Variants in TAFA5 observed in about 807,000 individuals in gnomAD.
TAFA5 encodes TAFA chemokine like family member 5.
TAFA5 carries 6 observed loss-of-function variants against 15.3 expected under a neutral mutation model. The observed-to-expected ratio is 0.39, with a 90% CI of 0.21 to 0.77. The LOEUF (loss-of-function observed/expected upper bound fraction) is 0.77, where lower values mean the gene tolerates loss of function less well. TAFA5 is among the 30% of genes least tolerant of loss of function. The probability of loss-of-function intolerance (pLI) is 0.41; values close to 1 mark genes in which losing one functional copy is unlikely to be tolerated. For synonymous variants in TAFA5, 103 were observed against 80.7 expected (o/e 1.28, Z -1.48); for missense variants, 161 against 193.1 (o/e 0.83, Z 0.98).
At chr22:48,681,512 G>A (rs1569076997) in intron 2 of TAFA5, among the ~76,000 whole-genome samples, 4 of 148,306 alleles carry the variant, frequency 2.7e-5, no homozygotes, top group South Asian at 2.1e-4. Context: ...AAAATTAGGC[G>A]TGGGGGTAGG....
In TAFA5 at chr22:48,724,663, G is replaced by A. The variant is rs1396364818; in HGVS notation, c.390+16819G>A. Among the ~76,000 whole-genome samples the A allele has an allele frequency of 2.0e-5, 3 of 152,132 alleles. No homozygotes were observed. In the South Asian group the frequency reaches 6.2e-4, roughly 31 times the overall value. The stretch of plus-strand genomic sequence containing the variant: ...GGAAAGCCCCCTGGGGCTCAAAGGA[G>A]TGGAAGCCCGTGCCTTATCCTCTGA... On this transcript the variant is annotated intron_variant, in intron 3 of 3. Transcript: ENST00000402357.
chr22:48,604,718 C>A (rs1239257353), intron 1 of TAFA5, among the ~76,000 whole-genome samples: 5 of 152,042 alleles, frequency 3.3e-5, no homozygotes, highest in African/African-American at 1.2e-4. Context: ...GATTTTTTTT[C>A]CATCCTTCCA....
At chr22:48,581,643 A>T (rs1323468098) in intron 1 of TAFA5, among the ~76,000 whole-genome samples, 1 of 152,182 alleles carries the variant, frequency 6.6e-6, no homozygotes. Flanking sequence ...GTTCGGGGGC[A>T]ACCTTCTTGG....
In TAFA5 at chr22:48,540,163, C is replaced by T. The variant is rs183384355; in HGVS notation, c.112+50459C>T. Among the ~76,000 whole-genome samples the T allele has an allele frequency of 6.0e-4, 91 of 152,280 alleles. 1 individual carries two copies. The highest frequency in any genetic ancestry group is 5.9e-3 in the Admixed American group (91 of 15,300). The stretch of plus-strand genomic sequence containing the variant: ...GCCTTCTTGGGTCTAGCCTTGTGTA[C>T]GGGAGGGTGAGTTTGCCCAGGTTAG... On this transcript the variant is annotated intron_variant, in intron 1 of 3. Coordinates refer to ENST00000402357, the MANE Select transcript of TAFA5 (RefSeq NM_001082967.3).
chr22:48,662,804 C>G (rs577038136), intron 2 of TAFA5, among the ~76,000 whole-genome samples: 67 of 152,354 alleles, frequency 4.4e-4, no homozygotes, highest in Admixed American at 1.6e-3. Flanking sequence ...TGGGCACCCA[C>G]TAGCCCACAG....
At chr22:48,545,945 G>A (rs1315567631) in intron 1 of TAFA5, among the ~76,000 whole-genome samples, 1 of 152,144 alleles carries the variant, frequency 6.6e-6, no homozygotes, top group Non-Finnish European at 1.5e-5. Flanking sequence ...TGGGGAAGGG[G>A]AGTGCCAGGA....
At chr22:48,656,324 T>G (rs904740504) in intron 2 of TAFA5, among the ~76,000 whole-genome samples, 2 of 151,994 alleles carry the variant, frequency 1.3e-5, no homozygotes, top group African/African-American at 4.8e-5. Context: ...GCCAACATGG[T>G]GAAGCCCCGT....
chr22:48,505,986 A>T (rs1481217465), intron 1 of TAFA5, among the ~76,000 whole-genome samples: 1 of 152,144 alleles, frequency 6.6e-6, no homozygotes, highest in Non-Finnish European at 1.5e-5. Flanking sequence ...AGGGTCTCAG[A>T]ACTCACTCCC....
At chr22:48,650,695 C>A (rs1278441271) in intron 2 of TAFA5, among the ~76,000 whole-genome samples, 2 of 152,176 alleles carry the variant, frequency 1.3e-5, no homozygotes, top group South Asian at 2.1e-4. Flanking sequence ...AGCCTGTGCA[C>A]CTGCATGCGA....
intron 1 of TAFA5, among the ~76,000 whole-genome samples, chr22:48,589,741 G>T (rs575115615): frequency 6.6e-6 from 1 of 152,284 alleles, no homozygotes; most frequent in African/African-American, 2.4e-5. Context: ...CTGGAGTGAT[G>T]TGGCCACACG....
At chr22:48,536,301 GTC>G (rs1922160430) in intron 1 of TAFA5, among the ~76,000 whole-genome samples, 1 of 152,212 alleles carries the variant, frequency 6.6e-6, no homozygotes, top group Non-Finnish European at 1.5e-5. Context: ...AGGGAGAATT[GTC>G]TATCAGAGGG....
intron 1 of TAFA5, among the ~76,000 whole-genome samples, chr22:48,607,448 C>A (rs182216770): frequency 7.1e-6 from 1 of 140,422 alleles, no homozygotes; most frequent in Non-Finnish European, 1.6e-5. Flanking sequence ...CCCACCCATC[C>A]CAGGTACCTC....
At chr22:48,616,797 G>A (rs572116418) in intron 1 of TAFA5, among the ~76,000 whole-genome samples, 11 of 152,352 alleles carry the variant, frequency 7.2e-5, no homozygotes, top group African/African-American at 1.2e-4. Context: ...CGAAGGCTGC[G>A]TGGCTCTGGG....
chr22:48,693,890 C>T (rs1213708412), intron 2 of TAFA5, among the ~76,000 whole-genome samples: 1 of 152,168 alleles, frequency 6.6e-6, no homozygotes, highest in Non-Finnish European at 1.5e-5. Flanking sequence ...ACAGATGGTG[C>T]CCCGGGTGTT....
At chr22:48,719,583 C>CT (rs1929507670) in intron 3 of TAFA5, among the ~76,000 whole-genome samples, 2 of 151,514 alleles carry the variant, frequency 1.3e-5, no homozygotes, top group South Asian at 4.2e-4. Flanking sequence ...ACTGCCCCCC[C>CT]TGCATTCTCT....
At chr22:48,588,659 G>C (rs1207476289) in intron 1 of TAFA5, among the ~76,000 whole-genome samples, 1 of 152,166 alleles carries the variant, frequency 6.6e-6, no homozygotes, top group Non-Finnish European at 1.5e-5. Flanking sequence ...GCGGGGATGG[G>C]GGCACGATTC....
At chr22:48,635,169 T>C (rs1926400754) in intron 1 of TAFA5, among the ~76,000 whole-genome samples, 1 of 152,178 alleles carries the variant, frequency 6.6e-6, no homozygotes, top group South Asian at 2.1e-4. Context: ...TCCGTCCACC[T>C]AGCACCAGCT....
chr22:48,689,271 C>T (rs1461203679), intron 2 of TAFA5, among the ~76,000 whole-genome samples: 1 of 152,170 alleles, frequency 6.6e-6, no homozygotes, highest in African/African-American at 2.4e-5. Flanking sequence ...TGGACGTAGA[C>T]ACGTTACCGG....
chr22:48,612,524 C>T (rs1925447005), intron 1 of TAFA5, among the ~76,000 whole-genome samples: 1 of 152,156 alleles, frequency 6.6e-6, no homozygotes, highest in Non-Finnish European at 1.5e-5. Context: ...CTGGACCCTC[C>T]AGCCCTCCCA....
Sources: gnomAD v4.1 joint callset for allele counts (sites outside exome capture counted in the v4.1 genomes callset) on GRCh38, gnomAD v4.1.1 for gene constraint, MANE v1.5 for transcripts, NCBI Gene and HGNC (gene_info 2026-07-23, HGNC 2026-07-21) for gene names.